CPAP: variants seen among roughly 807,000 people sequenced by gnomAD.
The protein encoded by CPAP is centrosomal P4.1-associated protein.
the CPAP span, chr13:24,905,831 TCA>T: frequency 5.6e-6 from 9 of 1,614,182 alleles, no homozygotes; most frequent in Non-Finnish European, 7.6e-6. Context: ...CCCCTTATCA[TCA>T]CAGACTTGTG....
chr13:24,931,826 G>A, the CPAP span, among the ~76,000 whole-genome samples: 4 of 152,064 alleles, frequency 2.6e-5, no homozygotes, highest in Non-Finnish European at 5.9e-5. Flanking sequence ...CCGCCCTTGC[G>A]AATCCCTTGC....
chr13:24,905,538 G>A, the CPAP span: 222 of 1,614,004 alleles, frequency 1.4e-4, 2 homozygotes, highest in Middle Eastern at 6.6e-4. Context: ...GTTTTGTCCA[G>A]GATACCTATT....
chr13:24,884,350 C>G, the CPAP span: 7 of 1,614,182 alleles, frequency 4.3e-6, no homozygotes, highest in Non-Finnish European at 5.9e-6. Flanking sequence ...TGACCTGCTT[C>G]ACGTCACCAT....
the CPAP span, among the ~76,000 whole-genome samples, chr13:24,904,485 T>C: frequency 2.6e-5 from 4 of 152,338 alleles, no homozygotes; most frequent in African/African-American, 7.2e-5. Flanking sequence ...ATTTAAAATG[T>C]AAAATAGCCA....
At chr13:24,887,116 A>G in the CPAP span, among the ~76,000 whole-genome samples, 5 of 152,172 alleles carry the variant, frequency 3.3e-5, no homozygotes, top group African/African-American at 1.2e-4. Flanking sequence ...TTATGACCCC[A>G]AGATAGGGAA....
At chr13:24,908,139 T>C in the CPAP span, 4 of 1,570,480 alleles carry the variant, frequency 2.5e-6, no homozygotes, top group South Asian at 3.3e-5. Context: ...GAGATAAAAA[T>C]TAAGAACAAT....
chr13:24,903,878 T>TATTTTTTCCC, the CPAP span: 1 of 1,587,794 alleles, frequency 6.3e-7, no homozygotes, highest in South Asian at 1.1e-5. Context: ...CTTAAAGGTA[T>TATTTTTTCCC]AACTGAGTCA....
the CPAP span, among the ~76,000 whole-genome samples, chr13:24,907,508 T>C: frequency 3.3e-5 from 5 of 152,204 alleles, no homozygotes; most frequent in African/African-American, 9.6e-5. Flanking sequence ...TCACTAAATA[T>C]GCATTTTTTT....
the CPAP span, chr13:24,884,355 C>A: frequency 2.5e-6 from 4 of 1,614,042 alleles, no homozygotes; most frequent in South Asian, 3.3e-5. Context: ...TGCTTCACGT[C>A]ACCATTAAAG....
the CPAP span, chr13:24,882,738 G>C: frequency 5.9e-6 from 1 of 170,600 alleles, no homozygotes; most frequent in Non-Finnish European, 1.3e-5. Flanking sequence ...TCTAATTTTG[G>C]TACTAACTGA....
chr13:24,892,752 G>C, the CPAP span: 1 of 1,613,852 alleles, frequency 6.2e-7, no homozygotes, highest in South Asian at 1.1e-5. Flanking sequence ...CCGGAGGTCT[G>C]TGTTCTCTCT....
the CPAP span, chr13:24,882,412 A>C: frequency 6.6e-6 from 1 of 152,036 alleles, no homozygotes; most frequent in Admixed American, 6.6e-5. Context: ...TTATTATATA[A>C]ATTTACAAGT....
the CPAP span, among the ~76,000 whole-genome samples, chr13:24,915,938 G>A: frequency 1.3e-5 from 2 of 152,212 alleles, no homozygotes; most frequent in African/African-American, 4.8e-5. Context: ...AAGGAGAACT[G>A]AGAACTGACC....
At chr13:24,919,703 A>T in the CPAP span, among the ~76,000 whole-genome samples, 1 of 152,074 alleles carries the variant, frequency 6.6e-6, no homozygotes, top group Non-Finnish European at 1.5e-5. Context: ...TACAGGCGTG[A>T]GCCCCTGCGC....
the CPAP span, among the ~76,000 whole-genome samples, chr13:24,897,754 T>C: frequency 1.3e-5 from 2 of 152,202 alleles, no homozygotes; most frequent in Non-Finnish European, 2.9e-5. Context: ...TTGATAACAC[T>C]GGCTGCCTCG....
chr13:24,905,274 C>A, the CPAP span: 1 of 1,374,710 alleles, frequency 7.3e-7, no homozygotes, highest in Non-Finnish European at 1.0e-6. Context: ...GGATTTTAAG[C>A]ATTCTGACAG....
the CPAP span, chr13:24,903,801 A>T: frequency 9.1e-7 from 1 of 1,098,382 alleles, no homozygotes; most frequent in Non-Finnish European, 1.4e-6. Context: ...TATGATACAG[A>T]TTTCACCTCC....
the CPAP span, chr13:24,911,909 G>A: frequency 6.2e-7 from 1 of 1,613,160 alleles, no homozygotes. Flanking sequence ...GGTAAGAAAT[G>A]TGCATTATAC....
the CPAP span, chr13:24,889,329 A>G: frequency 6.2e-7 from 1 of 1,609,084 alleles, no homozygotes; most frequent in Non-Finnish European, 8.5e-7. Flanking sequence ...GCATTGGAAG[A>G]TAATTTTTCT....
Sources: gnomAD v4.1 joint callset for allele counts (sites outside exome capture counted in the v4.1 genomes callset) on GRCh38, gnomAD v4.1.1 for gene constraint, MANE v1.5 for transcripts, NCBI Gene and HGNC (gene_info 2026-07-23, HGNC 2026-07-21) for gene names.